Variants in PTPRO observed in about 807,000 individuals in gnomAD.
PTPRO encodes protein tyrosine phosphatase receptor type O, also known as receptor-type tyrosine-protein phosphatase O.
In PTPRO, 62 loss-of-function variants were observed where a neutral mutation model predicts 145.2. The ratio of observed to expected loss-of-function variants is 0.43; its 90% confidence interval spans 0.35 to 0.53. The LOEUF (loss-of-function observed/expected upper bound fraction) is 0.53, where lower values mean the gene tolerates loss of function less well. Among genes scored for constraint, PTPRO ranks in the 20% least tolerant of loss-of-function variants. The probability of loss-of-function intolerance (pLI) is 0.01; values close to 1 mark genes in which losing one functional copy is unlikely to be tolerated. For missense variants in PTPRO, 1,345 were observed against 1,482.7 expected, an observed-to-expected ratio of 0.91 and a Z score of 1.53; for synonymous variants, 565 against 514.7, an observed-to-expected ratio of 1.10 and a Z score of -1.32.
intron 1 of PTPRO, among the ~76,000 whole-genome samples, chr12:15,352,512 G>A (rs959276654): frequency 6.6e-6 from 1 of 151,972 alleles, no homozygotes; most frequent in Non-Finnish European, 1.5e-5. Context: ...TTAGCCGGGT[G>A]TGGTGGCAGG....
intron 1 of PTPRO, among the ~76,000 whole-genome samples, chr12:15,431,662 C>A (rs1227622116): frequency 6.6e-6 from 1 of 152,058 alleles, no homozygotes; most frequent in Admixed American, 6.6e-5. Flanking sequence ...CATGATTTTT[C>A]TATACTGCTA....
intron 1 of PTPRO, among the ~76,000 whole-genome samples, chr12:15,432,688 T>C (rs1219809793): frequency 6.6e-6 from 1 of 152,232 alleles, no homozygotes; most frequent in Admixed American, 6.5e-5. Flanking sequence ...TTTTGAATCA[T>C]AGCCTTCTGA....
chr12:15,496,641 G>T (rs1435486268), intron 2 of PTPRO, among the ~76,000 whole-genome samples: 1 of 152,010 alleles, frequency 6.6e-6, no homozygotes, highest in African/African-American at 2.4e-5. Context: ...AAATAGAAAT[G>T]TTTTCTTTAA....
chr12:15,514,458 A>C lies in PTPRO; in HGVS notation c.1465-1040A>C, dbSNP rs1412896604. On this transcript the variant is annotated intron_variant, in intron 7 of 26. Coordinates refer to ENST00000281171, the MANE Select transcript of PTPRO (RefSeq NM_030667.3). ...CAGAGTAAGACTCTGTCTCAAAAAA[A>C]AAAAAAAAAAAAAAAGAAAGAACAG... Among the ~76,000 whole-genome samples the C allele has an allele frequency of 6.6e-5, 9 of 137,394 alleles. No homozygotes were observed. In the Admixed American group the frequency reaches 6.6e-4, roughly 10 times the overall value. The allele number at this position is 137,394 out of a possible 152,430, so 90.1% of individuals were successfully genotyped here.
At chr12:15,535,785 C>T (rs188850851) in intron 12 of PTPRO, among the ~76,000 whole-genome samples, 11 of 152,262 alleles carry the variant, frequency 7.2e-5, no homozygotes, top group East Asian at 3.9e-4. Context: ...TGTGACTTTC[C>T]GTTCCTCTTT....
At chr12:15,584,636 C>CA (rs936591596) in intron 23 of PTPRO, among the ~76,000 whole-genome samples, 1 of 152,108 alleles carries the variant, frequency 6.6e-6, no homozygotes, top group African/African-American at 2.4e-5. Flanking sequence ...CCAGAGTGCC[C>CA]CCTTTTGGCC....
intron 1 of PTPRO, among the ~76,000 whole-genome samples, chr12:15,415,227 CCCCCCAAAAAAAGAAG>C (rs1939914834): frequency 1.3e-5 from 2 of 152,014 alleles, no homozygotes. Flanking sequence ...CAGCTACCTC[CCCCCCAAAAAAAGAAG>C]CCCTAAACAG....
intron 14 of PTPRO, among the ~76,000 whole-genome samples, chr12:15,549,865 TA>T (rs1838727044): frequency 6.6e-6 from 1 of 152,242 alleles, no homozygotes; most frequent in African/African-American, 2.4e-5. Flanking sequence ...ATATTAGTCA[TA>T]TATTTAGCTG....
At chr12:15,497,163 A>G in intron 2 of PTPRO, 82 bp from the exon 3 acceptor site, 2 of 1,301,192 alleles carry the variant, frequency 1.5e-6, no homozygotes, top group Non-Finnish European at 2.2e-6. Flanking sequence ...GGTAGGTGTA[A>G]TCCTTGCTTA....
chr12:15,549,947 T>C (rs1416683751), intron 14 of PTPRO, among the ~76,000 whole-genome samples: 1 of 152,204 alleles, frequency 6.6e-6, no homozygotes, highest in Admixed American at 6.5e-5. Flanking sequence ...GTTTTTAATT[T>C]TTGTTTTTTC....
intron 26 of PTPRO, 32 bp downstream of exon 26, chr12:15,595,089 A>C: frequency 1.4e-6 from 2 of 1,379,428 alleles, no homozygotes; most frequent in Non-Finnish European, 2.1e-6. Flanking sequence ...ACGAGTGCTC[A>C]GTCTTAGAAC....
chr12:15,419,165 T>A lies in PTPRO; in HGVS notation c.76-64809T>A, dbSNP rs1163807103. ...ATCAGCTACAAATTTTAGCAGATAT[T>A]CATGCGCTTATTGAAATAAGCCACC... is the stretch of plus-strand genomic sequence containing the variant. On this transcript the variant is annotated intron_variant, in intron 1 of 26. Coordinates refer to ENST00000281171, the MANE Select transcript of PTPRO (RefSeq NM_030667.3). 2.0e-5 allele frequency among the ~76,000 whole-genome samples: 3 copies of A among 150,940 alleles called. No individual in the cohort carries two copies. The East Asian group carries it at 5.8e-4, about 29-fold the overall frequency.
chr12:15,576,283 A>G (rs747722969), intron 19 of PTPRO, among the ~76,000 whole-genome samples: 1 of 152,252 alleles, frequency 6.6e-6, no homozygotes, highest in Admixed American at 6.5e-5. Context: ...GCTTCAAAGC[A>G]TACTGTGTTT....
At chr12:15,509,992 T>C (rs1385136010) in intron 7 of PTPRO, among the ~76,000 whole-genome samples, 1 of 152,174 alleles carries the variant, frequency 6.6e-6, no homozygotes, top group Non-Finnish European at 1.5e-5. Context: ...CAAGGTCAAA[T>C]GTGGTGGTTC....
chr12:15,433,171 C>CTTTTTTTTTTTTTTTTTTTTTTT (rs55746632), intron 1 of PTPRO, among the ~76,000 whole-genome samples: 1 of 103,644 alleles, frequency 9.6e-6, no homozygotes, highest in Non-Finnish European at 2.0e-5. Context: ...CAGTTTGGGG[C>CTTTTTTTTTTTTTTTTTTTTTTT]TTTTTTTTTT....
chr12:15,415,059 G>C (rs1939909541), intron 1 of PTPRO, among the ~76,000 whole-genome samples: 1 of 152,308 alleles, frequency 6.6e-6, no homozygotes, highest in South Asian at 2.1e-4. Context: ...TCTAACCAGG[G>C]AAATGGGAAA....
intron 1 of PTPRO, among the ~76,000 whole-genome samples, chr12:15,416,608 C>T (rs983349691): frequency 5.9e-5 from 9 of 151,562 alleles, no homozygotes; most frequent in African/African-American, 2.0e-4. Flanking sequence ...CATGAGCCAC[C>T]GCGCCCAGCC....
At chr12:15,361,006 T>C (rs549936302) in intron 1 of PTPRO, among the ~76,000 whole-genome samples, 1 of 144,134 alleles carries the variant, frequency 6.9e-6, no homozygotes, top group Admixed American at 6.9e-5. Context: ...TGTGTGTGTT[T>C]TAACTTATAA....
intron 23 of PTPRO, among the ~76,000 whole-genome samples, chr12:15,586,458 G>T (rs1357369854): frequency 6.6e-6 from 1 of 152,208 alleles, no homozygotes; most frequent in Non-Finnish European, 1.5e-5. Flanking sequence ...TATCGAGGCA[G>T]CTCTGTGCAG....
Sources: gnomAD v4.1 joint callset for allele counts (sites outside exome capture counted in the v4.1 genomes callset) on GRCh38, gnomAD v4.1.1 for gene constraint, MANE v1.5 for transcripts, NCBI Gene and HGNC (gene_info 2026-07-23, HGNC 2026-07-21) for gene names.